Variants in PDE4D observed in about 807,000 individuals in gnomAD.
PDE4D encodes 3',5'-cyclic-AMP phosphodiesterase 4D.
PDE4D carries 24 observed loss-of-function variants against 87.4 expected under a neutral mutation model. That is an observed-to-expected ratio of 0.27 (90% CI 0.20 to 0.39). The LOEUF is 0.39. Among genes scored for constraint, PDE4D ranks in the 10% least tolerant of loss-of-function variants. PDE4D has a pLI of 1.00. For synonymous variants in PDE4D, 384 were observed against 383.2 expected (o/e 1.00, Z -0.02); for missense variants, 714 against 1,041.0 (o/e 0.69, Z 4.32).
At chr5:59,550,219 A>G (rs1474605074) in intron 1 of PDE4D, among the ~76,000 whole-genome samples, 3 of 152,102 alleles carry the variant, frequency 2.0e-5, no homozygotes, top group African/African-American at 7.2e-5. Flanking sequence ...ATGCATCAGT[A>G]TCCTATCATA....
At chr5:59,530,480 C>G (rs1403273752) in intron 1 of PDE4D, among the ~76,000 whole-genome samples, 1 of 152,060 alleles carries the variant, frequency 6.6e-6, no homozygotes, top group Non-Finnish European at 1.5e-5. Flanking sequence ...CATCAATATA[C>G]TTTAAAGCAT....
At chr5:60,274,993 C>A (rs1275504826) in intron 1 of PDE4D, among the ~76,000 whole-genome samples, 1 of 152,208 alleles carries the variant, frequency 6.6e-6, no homozygotes, top group Non-Finnish European at 1.5e-5. Flanking sequence ...CACATTAAAG[C>A]TTGAGACCTG....
chr5:59,751,435 T>C (rs764204635), intron 1 of PDE4D, among the ~76,000 whole-genome samples: 61 of 152,178 alleles, frequency 4.0e-4, no homozygotes, highest in Non-Finnish European at 7.5e-4. Context: ...GTCCAACTAT[T>C]GAAAGTGTTC....
chr5:60,024,085 T>C (rs941313709), intron 2 of PDE4D, among the ~76,000 whole-genome samples: 3 of 152,186 alleles, frequency 2.0e-5, no homozygotes, highest in Non-Finnish European at 4.4e-5. Flanking sequence ...AGAAAACTTA[T>C]ACTACTACCT....
chr5:60,102,977 CA>C (rs201088621), intron 2 of PDE4D, among the ~76,000 whole-genome samples: 3,699 of 122,798 alleles, frequency 0.03, 136 homozygotes, highest in African/African-American at 0.094. Flanking sequence ...GAAGAAATGA[CA>C]AAAAAAAAAA....
chr5:60,408,410 G>A (rs1741756735), intron 1 of PDE4D, among the ~76,000 whole-genome samples: 1 of 152,180 alleles, frequency 6.6e-6, no homozygotes, highest in Admixed American at 6.5e-5. Flanking sequence ...CTGTTCAAAT[G>A]AAAATTTCCA....
intron 3 of PDE4D, among the ~76,000 whole-genome samples, chr5:59,901,802 A>C (rs1752290718): frequency 6.6e-6 from 1 of 152,060 alleles, no homozygotes; most frequent in African/African-American, 2.4e-5. Flanking sequence ...AGATCAATGA[A>C]AACTCATATA....
intron 1 of PDE4D, among the ~76,000 whole-genome samples, chr5:59,344,391 G>A (rs1262818923): frequency 2.0e-5 from 3 of 152,042 alleles, no homozygotes; most frequent in South Asian, 4.1e-4. Flanking sequence ...TGACTCTTAC[G>A]TAAAAATTAC....
chr5:59,620,805 G>A (rs1487044673), intron 1 of PDE4D, among the ~76,000 whole-genome samples: 1 of 152,130 alleles, frequency 6.6e-6, no homozygotes, highest in East Asian at 1.9e-4. Context: ...GAATTGTAGG[G>A]ATATTTTTGG....
intron 3 of PDE4D, among the ~76,000 whole-genome samples, chr5:59,972,451 G>A (rs1355411476): frequency 6.6e-6 from 1 of 152,222 alleles, no homozygotes; most frequent in Non-Finnish European, 1.5e-5. Flanking sequence ...AAGGGACAAA[G>A]GATCCGGCTT....
At chr5:59,155,739 A>C (rs140030072) in intron 5 of PDE4D, among the ~76,000 whole-genome samples, 3 of 152,216 alleles carry the variant, frequency 2.0e-5, no homozygotes, top group Non-Finnish European at 4.4e-5. Flanking sequence ...GGGAGGAGAG[A>C]GGATCAAGGG....
chr5:59,968,476 A>G (rs1254375831), intron 3 of PDE4D, among the ~76,000 whole-genome samples: 1 of 152,118 alleles, frequency 6.6e-6, no homozygotes, highest in East Asian at 1.9e-4. Context: ...ATCTTGTACT[A>G]TGCTCACTAT....
chr5:59,137,654 G>A (rs1318488142), intron 5 of PDE4D, among the ~76,000 whole-genome samples: 2 of 151,842 alleles, frequency 1.3e-5, no homozygotes, highest in African/African-American at 4.8e-5. Context: ...AGCCTCCCTA[G>A]TAGCTGGGAC....
At chr5:59,204,286 G>A (rs184784972) in intron 2 of PDE4D, among the ~76,000 whole-genome samples, 3 of 151,500 alleles carry the variant, frequency 2.0e-5, no homozygotes, top group Admixed American at 2.0e-4. Context: ...TGATGATAAA[G>A]CAGATGGGAC....
At chr5:60,126,729 ACT>A (rs1404334237) in intron 2 of PDE4D, among the ~76,000 whole-genome samples, 1 of 151,944 alleles carries the variant, frequency 6.6e-6, no homozygotes, top group African/African-American at 2.4e-5. Flanking sequence ...ACTTATTTAG[ACT>A]CTCTCTGTGC....
At chr5:59,445,174 T>C (rs1265455935) in intron 1 of PDE4D, among the ~76,000 whole-genome samples, 1 of 152,226 alleles carries the variant, frequency 6.6e-6, no homozygotes, top group African/African-American at 2.4e-5. Flanking sequence ...TTACCTCATT[T>C]GTTATGTATC....
At chr5:60,447,537 A>G (rs1481900570) in intron 1 of PDE4D, among the ~76,000 whole-genome samples, 1 of 152,056 alleles carries the variant, frequency 6.6e-6, no homozygotes. Context: ...AAGAAGGAAT[A>G]GCTTTTGAAA....
At chr5:59,279,931 G>A (rs1373986248) in intron 1 of PDE4D, among the ~76,000 whole-genome samples, 1 of 151,930 alleles carries the variant, frequency 6.6e-6, no homozygotes, top group East Asian at 1.9e-4. Context: ...TTGTACAGTG[G>A]CAATGAATTA....
intron 3 of PDE4D, among the ~76,000 whole-genome samples, chr5:59,919,851 T>C (rs1754476748): frequency 6.6e-6 from 1 of 152,192 alleles, no homozygotes; most frequent in Admixed American, 6.5e-5. Context: ...GTGGCAAAGA[T>C]TAATTTGGTC....
Sources: allele counts gnomAD v4.1 joint callset (sites outside exome capture counted in the v4.1 genomes callset), GRCh38; gene constraint gnomAD v4.1.1; transcripts MANE v1.5; gene names NCBI Gene and HGNC (gene_info 2026-07-23, HGNC 2026-07-21).